The following GRM8 variants were observed in gnomAD, a reference collection of about 807,000 sequenced individuals.
GRM8 encodes the protein glutamate metabotropic receptor 8, also known as metabotropic glutamate receptor 8.
A neutral mutation model predicts 87.2 loss-of-function variants in GRM8; 47 were observed. That is an observed-to-expected ratio of 0.54 (90% CI 0.43 to 0.69). GRM8 has a LOEUF of 0.69. Among genes scored for constraint, GRM8 ranks in the 30% least tolerant of loss-of-function variants. The pLI, the probability that GRM8 is intolerant of heterozygous loss-of-function variation, is 0.00. For missense variants in GRM8, 1,019 were observed against 1,139.2 expected (o/e 0.89, Z 1.52); for synonymous variants, 396 against 404.5 (o/e 0.98, Z 0.25).
rs547661676 is a variant in GRM8, at chr7:126,630,863, A to T, written c.1358-21365T>A. ...GTTAAAAACTCTCAATAAACTAGGT[A>T]TTGAAGGAACATGCCTCAAAATAAT... is the stretch of plus-strand genomic sequence containing the variant. On this transcript the variant is annotated intron_variant, in intron 7 of 10. Coordinates refer to ENST00000339582, the MANE Select transcript of GRM8 (RefSeq NM_000845.3). Among the ~76,000 whole-genome samples the T allele has an allele frequency of 6.6e-5, 10 of 152,298 alleles. No individual in the cohort carries two copies. The East Asian group carries it at 1.9e-3, about 29-fold the overall frequency.
chr7:127,152,126 A>T (rs569247177), intron 2 of GRM8, among the ~76,000 whole-genome samples: 1 of 152,250 alleles, frequency 6.6e-6, no homozygotes, highest in South Asian at 2.1e-4. Flanking sequence ...GAAGACAGCA[A>T]GACAGACAGA....
intron 6 of GRM8, among the ~76,000 whole-genome samples, chr7:126,828,199 T>G (rs1339071721): frequency 2.0e-5 from 3 of 152,170 alleles, no homozygotes; most frequent in Non-Finnish European, 2.9e-5. Flanking sequence ...TCTGCCCGGC[T>G]TTGGTATCAG....
intron 6 of GRM8, among the ~76,000 whole-genome samples, chr7:126,850,441 T>C (rs1256870896): frequency 6.6e-6 from 1 of 152,148 alleles, no homozygotes; most frequent in South Asian, 2.1e-4. Flanking sequence ...CACCTGTAGT[T>C]GAGAAAGTTG....
chr7:127,183,943 A>T (rs17865866), intron 2 of GRM8, among the ~76,000 whole-genome samples: 5,126 of 151,994 alleles, frequency 0.034, 297 homozygotes, highest in African/African-American at 0.12. Flanking sequence ...TTCTTCAAAG[A>T]CACAACTACC....
chr7:126,529,167 T>C (rs1289240525), intron 9 of GRM8, among the ~76,000 whole-genome samples: 1 of 152,032 alleles, frequency 6.6e-6, no homozygotes, highest in African/African-American at 2.4e-5. Flanking sequence ...CATCATTAAA[T>C]GGGAAACCAT....
chr7:127,161,944 TAA>T (rs1331897008), intron 2 of GRM8, among the ~76,000 whole-genome samples: 1 of 152,166 alleles, frequency 6.6e-6, no homozygotes, highest in Non-Finnish European at 1.5e-5. Flanking sequence ...AGGTAAATTA[TAA>T]CTCAGTACTT....
chr7:126,514,921 C>T (rs1005184251), intron 9 of GRM8, among the ~76,000 whole-genome samples: 9 of 151,918 alleles, frequency 5.9e-5, no homozygotes, highest in African/African-American at 2.2e-4. Context: ...AGCTAGCAAA[C>T]TCAACTTGTA....
chr7:126,699,581 C>T (rs1195867021), intron 7 of GRM8, among the ~76,000 whole-genome samples: 1 of 152,084 alleles, frequency 6.6e-6, no homozygotes, highest in African/African-American at 2.4e-5. Flanking sequence ...CTTCTATTTC[C>T]TCTTTCATTT....
intron 3 of GRM8, among the ~76,000 whole-genome samples, chr7:126,957,318 A>T (rs1227605769): frequency 1.3e-5 from 2 of 152,224 alleles, no homozygotes; most frequent in Non-Finnish European, 2.9e-5. Context: ...TGGCAGCAGC[A>T]GCCTGTCTGG....
At chr7:126,742,025 T>C (rs527598434) in intron 7 of GRM8, among the ~76,000 whole-genome samples, 45 of 152,106 alleles carry the variant, frequency 3.0e-4, no homozygotes, top group African/African-American at 9.1e-4. Context: ...GATATTAAAC[T>C]TCCACACTTG....
At chr7:126,468,227 G>T (rs574932984) in intron 9 of GRM8, among the ~76,000 whole-genome samples, 7 of 148,470 alleles carry the variant, frequency 4.7e-5, no homozygotes, top group East Asian at 2.0e-4. Flanking sequence ...TTGAAATGCT[G>T]AATAACAAGA....
At chr7:126,817,773 A>C (rs1160442129) in intron 6 of GRM8, among the ~76,000 whole-genome samples, 2 of 152,100 alleles carry the variant, frequency 1.3e-5, no homozygotes, top group African/African-American at 4.8e-5. Flanking sequence ...TCAATAACCC[A>C]CCTCAATGAA....
rs17865396 is a variant in GRM8, at chr7:127,015,597, C to T, written c.727+90899G>A. On this transcript the variant is annotated intron_variant, in intron 3 of 10. Transcript: ENST00000339582. ...AGGCATGATTTGTACTTTCACTGTT[C>T]GCAATTCCGACCACTACCCTATTAC... Among the ~76,000 whole-genome samples, 711 of 152,212 alleles carry T rather than the reference C, an allele frequency of 4.7e-3. 10 individuals carry two copies. The highest frequency in any genetic ancestry group is 0.016 in the African/African-American group (660 of 41,554).
In GRM8 at chr7:126,441,381, ATAT is replaced by A. The variant is rs1178591590; in HGVS notation, c.2678-2216_2678-2214del. 3.3e-5 allele frequency among the ~76,000 whole-genome samples: 5 copies of A among 152,098 alleles called. No individual in the cohort carries two copies. The South Asian group carries it at 1.0e-3, about 31-fold the overall frequency. On this transcript the variant is annotated intron_variant, in intron 10 of 10. Transcript: ENST00000339582. ...TCATTATTGTAAGGCCATTACAGAG[ATAT>A]TATGCCAAATTTATACTCATGCCTA...
At chr7:126,472,265 A>G (rs1328783552) in intron 9 of GRM8, among the ~76,000 whole-genome samples, 1 of 152,148 alleles carries the variant, frequency 6.6e-6, no homozygotes, top group African/African-American at 2.4e-5. Flanking sequence ...TGTCTTGTCC[A>G]GTTTTCAAAG....
intron 6 of GRM8, among the ~76,000 whole-genome samples, chr7:126,868,123 G>A (rs1798764377): frequency 6.6e-6 from 1 of 152,194 alleles, no homozygotes; most frequent in Admixed American, 6.5e-5. Context: ...CTTAGACCCT[G>A]ATGGCAGCAA....
chr7:127,231,358 T>A (rs1797676664), intron 2 of GRM8, among the ~76,000 whole-genome samples: 1 of 152,222 alleles, frequency 6.6e-6, no homozygotes, highest in East Asian at 1.9e-4. Flanking sequence ...CTGCACTGAT[T>A]TCTTTCCCTG....
chr7:126,507,830 A>C (rs1760229598), intron 9 of GRM8, among the ~76,000 whole-genome samples: 1 of 151,650 alleles, frequency 6.6e-6, no homozygotes, highest in South Asian at 2.1e-4. Flanking sequence ...CTCATCTTCA[A>C]CCCTAATTCC....
At chr7:126,605,550 G>A (rs1333163877) in intron 8 of GRM8, among the ~76,000 whole-genome samples, 1 of 152,006 alleles carries the variant, frequency 6.6e-6, no homozygotes, top group East Asian at 1.9e-4. Flanking sequence ...AGATATTCAA[G>A]GCAAATTTAC....
Sources: allele counts gnomAD v4.1 joint callset (sites outside exome capture counted in the v4.1 genomes callset), GRCh38; gene constraint gnomAD v4.1.1; transcripts MANE v1.5; gene names NCBI Gene and HGNC (gene_info 2026-07-23, HGNC 2026-07-21).